USP18: variants seen among roughly 807,000 people sequenced by gnomAD.
USP18 encodes ubiquitin specific peptidase 18.
Under a neutral mutation model 48.7 loss-of-function variants are expected in USP18, and 11 were observed. The ratio of observed to expected loss-of-function variants is 0.23; its 90% CI spans 0.14 to 0.37. The LOEUF (loss-of-function observed/expected upper bound fraction) is 0.37. Ranked by LOEUF, USP18 falls within the 10% of genes least tolerant of loss-of-function variation. USP18 has a pLI of 1.00. For missense variants in USP18, 285 were observed against 436.4 expected (o/e 0.65, Z 3.09); for synonymous variants, 114 against 163.2 (o/e 0.70, Z 2.30).
At chr22:18,165,492 C>T (rs1929448847) in intron 4 of USP18, among the ~76,000 whole-genome samples, 1 of 75,806 alleles carries the variant, frequency 1.3e-5, no homozygotes, top group Non-Finnish European at 2.5e-5. Context: ...CTCCTCTTCC[C>T]ATCCCTCACC....
At chr22:18,167,798 A>C in intron 5 of USP18, 92 bp from the exon 6 acceptor site, 3 of 1,426,540 alleles carry the variant, frequency 2.1e-6, no homozygotes, top group Non-Finnish European at 2.8e-6. Flanking sequence ...CTTTGTGAGG[A>C]GCTTCTGTCT....
intron 1 of USP18, 109 bp from the exon 2 acceptor site, chr22:18,157,449 C>T: frequency 3.3e-6 from 2 of 597,418 alleles, no homozygotes; most frequent in East Asian, 6.0e-5. Context: ...AGTCAGTCTC[C>T]CCAAACATTT....
chr22:18,159,794 G>C (rs1352280094), intron 2 of USP18, among the ~76,000 whole-genome samples: 1 of 150,456 alleles, frequency 6.6e-6, no homozygotes, highest in Non-Finnish European at 1.5e-5. Flanking sequence ...TCCTGCCTCA[G>C]CCTCCTGAGT....
chr22:18,169,805 A>G (rs1232771061), intron 6 of USP18, 39 bp from the exon 7 acceptor site: 8 of 1,551,144 alleles, frequency 5.2e-6, no homozygotes, highest in Non-Finnish European at 7.0e-6. Context: ...GGTGGGAAAT[A>G]CCAACGCTGC....
At chr22:18,162,789 T>C (rs1351510075) in intron 4 of USP18, among the ~76,000 whole-genome samples, 3 of 152,174 alleles carry the variant, frequency 2.0e-5, no homozygotes, top group Non-Finnish European at 4.4e-5. Context: ...CTGCATGCTA[T>C]GGCCACTGTG....
intron 4 of USP18, among the ~76,000 whole-genome samples, chr22:18,165,609 C>T (rs1480247141): frequency 2.0e-5 from 3 of 151,424 alleles, no homozygotes; most frequent in Non-Finnish European, 2.9e-5. Flanking sequence ...AAGGAAGAAT[C>T]TGTAAATGGA....
intron 4 of USP18, among the ~76,000 whole-genome samples, chr22:18,164,594 A>G (rs1929424752): frequency 6.6e-6 from 1 of 151,652 alleles, no homozygotes. Context: ...GCCAGTTATT[A>G]ATAGAAGCCC....
At chr22:18,157,855 T>A in intron 2 of USP18, 35 bp downstream of exon 2, 1 of 1,611,594 alleles carries the variant, frequency 6.2e-7, no homozygotes. Flanking sequence ...TCTTCTTGAC[T>A]GCATGTAAAT....
chr22:18,158,706 C>T (rs1929236527), intron 2 of USP18, among the ~76,000 whole-genome samples: 1 of 152,184 alleles, frequency 6.6e-6, no homozygotes, highest in Non-Finnish European at 1.5e-5. Context: ...TGCCTTTCAG[C>T]CTCTCAGGGT....
intron 2 of USP18, among the ~76,000 whole-genome samples, chr22:18,158,077 C>T (rs994606354): frequency 6.6e-6 from 1 of 152,072 alleles, no homozygotes; most frequent in African/African-American, 2.4e-5. Flanking sequence ...ATCATGAGGT[C>T]GGGAGTTTAA....
Position 18,167,289 on chromosome 22 carries a change from C to G in USP18, c.435C>G (p.Leu145=), listed in dbSNP as rs1260065572. 2 of 1,613,864 alleles carry G rather than the reference C, an allele frequency of 1.2e-6. No homozygotes were observed. Among genetic ancestry groups the G allele is most frequent in the East Asian group, 4.5e-5 (2 of 44,882 alleles). The part of the protein sequence containing the change: ...FVQHDAAQLY[L]KLWNLIKDQI... The stretch of plus-strand genomic sequence containing the variant: ...AACATGATGCTGCCCAACTGTACCT[C>G]AAACTCTGGAACCTGATTAAGGACC... Residue 145 remains leucine, a synonymous_variant, in exon 5 of 11, where the codon CTC becomes CTG. Coordinates refer to ENST00000215794, the MANE Select transcript of USP18 (RefSeq NM_017414.4).
In USP18 at chr22:18,161,928, C is replaced by A; in HGVS notation, c.393C>A (p.Asn131Lys). 1 of 1,612,292 alleles carries A rather than the reference C, an allele frequency of 6.2e-7. No homozygotes were observed. Among genetic ancestry groups the A allele is most frequent in the African/African-American group, 1.3e-5 (1 of 74,942 alleles). The stretch of plus-strand genomic sequence containing the variant: ...TGGCCTACTGCCTGCAGAAGTGCAA[C>A]GTGCCCTGTAAGATACCCTCCCACT... ...LELAYCLQKC[N>K]VPLFVQHDAA... The change falls in exon 4 of 11, where the codon AAC becomes AAA. Residue 131 changes from asparagine (N) to lysine (K), a missense_variant. Asn to Lys is a moderately conservative substitution (Grantham distance 94). This residue lies in a region of USP18 where 199 missense variants were observed against 239.6 expected (regional missense o/e 0.83). Coordinates refer to ENST00000215794, the MANE Select transcript of USP18 (RefSeq NM_017414.4).
At position 18,173,390 on chromosome 22, in the gene USP18, C is replaced by G. The variant is rs375289552; in HGVS notation, c.1023+109C>G. 1.6e-4 allele frequency: 233 copies of G among 1,500,622 alleles called. 1 individual carries two copies. The East Asian group carries it at 4.7e-3, about 30-fold the overall frequency. 93.0% of individuals were successfully genotyped at this position (1,500,622 alleles called of 1,614,324 possible). ...GAGATCAAGACACACTGTGATCCTGCTGTCTGGGTGTGGGGCCTTTGATGA... is the reference window on the plus strand; with the variant it reads ...GAGATCAAGACACACTGTGATCCTGGTGTCTGGGTGTGGGGCCTTTGATGA... On this transcript the variant is annotated intron_variant, in intron 9 of 10. Coordinates refer to ENST00000215794, the MANE Select transcript of USP18 (RefSeq NM_017414.4).
chr22:18,157,658 T>A lies in USP18; in HGVS notation c.-6T>A. ...CTGCGGCCTGGGGGTTTTGGAGTGATCACGAATGAGCAAGGCGTTTGGGCT... is the reference window on the plus strand; with the variant it reads ...CTGCGGCCTGGGGGTTTTGGAGTGAACACGAATGAGCAAGGCGTTTGGGCT... On this transcript the variant is annotated 5_prime_UTR_variant, in exon 2 of 11. Transcript: ENST00000215794. 1 of 1,613,934 alleles carries A rather than the reference T, an allele frequency of 6.2e-7. No homozygotes were observed. The highest frequency in any genetic ancestry group is 8.5e-7 in the Non-Finnish European group (1 of 1,179,946).
intron 8 of USP18, 31 bp from the exon 9 acceptor site, chr22:18,173,119 G>A (rs374103057): frequency 6.2e-7 from 1 of 1,601,846 alleles, no homozygotes; most frequent in Non-Finnish European, 8.5e-7. Context: ...TGTGGTGGTG[G>A]GTGAACTGTC....
chr22:18,173,423 A>C, intron 9 of USP18, 142 bp downstream of exon 9: 6 of 1,149,358 alleles, frequency 5.2e-6, no homozygotes. Context: ...TGAGGGTTCA[A>C]GCCTTTTTCG....
rs1464995966 is a variant in USP18, at chr22:18,157,675, G to A, written c.12G>A (p.Ala4=). 2 of 1,614,094 alleles carry A rather than the reference G, an allele frequency of 1.2e-6. No individual in the cohort carries two copies. Among genetic ancestry groups the A allele is most frequent in the East Asian group, 2.2e-5 (1 of 44,870 alleles). ...TGGAGTGATCACGAATGAGCAAGGC[G>A]TTTGGGCTCCTGAGGCAAATCTGTC... MSK[A]FGLLRQICQS... is the part of the protein sequence containing the mutation. The change falls in exon 2 of 11, where the codon GCG becomes GCA. Residue 4 remains alanine (A), a synonymous_variant. Coordinates refer to ENST00000215794, the MANE Select transcript of USP18 (RefSeq NM_017414.4).
rs74658584 is a variant in USP18, at chr22:18,164,745, C to T, written c.401-2510C>T. 3.1e-3 allele frequency among the ~76,000 whole-genome samples: 476 copies of T among 151,998 alleles called. 2 individuals are homozygous for T. The highest frequency in any genetic ancestry group is 0.018 in the East Asian group (91 of 5,154). Reference sequence around the variant, plus strand: ...GTGCCCGTTTAAAACTGCCTCTTTGCCCTCTGTGGTCGCAGAGGATTCATA... The same window carrying T: ...GTGCCCGTTTAAAACTGCCTCTTTGTCCTCTGTGGTCGCAGAGGATTCATA... On this transcript the variant is annotated intron_variant, in intron 4 of 10. Coordinates refer to ENST00000215794, the MANE Select transcript of USP18 (RefSeq NM_017414.4).
At chr22:18,169,198 G>A (rs976482818) in intron 6 of USP18, among the ~76,000 whole-genome samples, 1 of 152,112 alleles carries the variant, frequency 6.6e-6, no homozygotes, top group Non-Finnish European at 1.5e-5. Flanking sequence ...TCATGGGGGA[G>A]GGTTTCTCGT....
Sources: gnomAD v4.1 joint callset for allele counts (sites outside exome capture counted in the v4.1 genomes callset) on GRCh38, gnomAD v4.1.1 for gene constraint, gnomAD v4.1.1 regional missense constraint, MANE v1.5 for transcripts, NCBI Gene and HGNC (gene_info 2026-07-23, HGNC 2026-07-21) for gene names.